The following TRRAP variants were observed in gnomAD, a reference collection of about 807,000 sequenced individuals.
The protein encoded by TRRAP is transformation/transcription domain associated protein.
A neutral mutation model predicts 438.8 loss-of-function variants in TRRAP; 41 were observed. That is an observed-to-expected ratio of 0.09 (90% CI 0.07 to 0.12). The LOEUF (loss-of-function observed/expected upper bound fraction) is 0.12, where lower values mean the gene tolerates loss of function less well. Ranked by LOEUF, TRRAP falls within the 10% of genes least tolerant of loss-of-function variation. The probability of loss-of-function intolerance (pLI) is 1.00; values close to 1 mark genes in which losing one functional copy is unlikely to be tolerated. For missense variants in TRRAP, 3,122 were observed against 5,055.1 expected, an observed-to-expected ratio of 0.62 and a Z score of 11.60; for synonymous variants, 1,994 against 1,962.9, an observed-to-expected ratio of 1.02 and a Z score of -0.42.
rs1469812548 is a variant in TRRAP at position 98,994,331 on chromosome 7, G to C, written c.10048-256G>C. Among the ~76,000 whole-genome samples, 3 of 152,190 alleles carry C rather than the reference G, an allele frequency of 2.0e-5. No homozygotes were observed. Among genetic ancestry groups the C allele is most frequent in the African/African-American group, 7.2e-5 (3 of 41,450 alleles). ...GCAGACGGGTGTATGATCCAAAAAA[G>C]TGGGGCTTTTCTGTTTTCGCTTTTT... On this transcript the variant is annotated intron_variant, in intron 66 of 72. Transcript: ENST00000456197. This position sits in a 1 kb window ranked among gnomAD's most constrained non-coding sequence, Gnocchi z 4.8.
chr7:98,915,696 C>G (rs1789492328), intron 18 of TRRAP, 27 bp from the exon 19 acceptor site: 1 of 1,608,836 alleles, frequency 6.2e-7, no homozygotes, highest in Non-Finnish European at 8.5e-7. Context: ...TTAGATGCCA[C>G]TAATCTGCGT....
intron 67 of TRRAP, among the ~76,000 whole-genome samples, chr7:99,001,944 C>T (rs1223785661): frequency 6.6e-6 from 1 of 152,098 alleles, no homozygotes; most frequent in African/African-American, 2.4e-5. Flanking sequence ...ATTAGAAACA[C>T]CTCAGCAATG....
intron 47 of TRRAP, among the ~76,000 whole-genome samples, chr7:98,963,010 A>G (rs1791984606): frequency 1.3e-5 from 2 of 152,164 alleles, no homozygotes; most frequent in South Asian, 2.1e-4. Context: ...CCTTTATTGC[A>G]TATTCATTGG....
chr7:98,972,035 T>C, intron 53 of TRRAP, 90 bp downstream of exon 53: 1 of 1,468,194 alleles, frequency 6.8e-7, no homozygotes, highest in Non-Finnish European at 9.1e-7. Flanking sequence ...AGTGTAACTT[T>C]TTCTGTTTCT....
At position 98,881,172 on chromosome 7, in the gene TRRAP, G is replaced by C; in HGVS notation, c.22G>C (p.Gly8Arg). 6.2e-7 allele frequency: 1 copy of C among 1,608,410 alleles called. No individual in the cohort carries two copies. The highest frequency in any genetic ancestry group is 8.5e-7 in the Non-Finnish European group (1 of 1,177,148). Reference sequence around the variant, plus strand: ...AAAAATGGCGTTTGTTGCAACACAGGGGGCCACGGTGGTTGACCAGACCAC... The same window carrying C: ...AAAAATGGCGTTTGTTGCAACACAGCGGGCCACGGTGGTTGACCAGACCAC... MAFVATQ[G>R]ATVVDQTTLM... The change falls in exon 2 of 73, where the codon GGG becomes CGG. Residue 8 changes from glycine (G) to arginine (R), a missense_variant. Coordinates refer to ENST00000456197, the MANE Select transcript of TRRAP (RefSeq NM_001375524.1).
intron 3 of TRRAP, among the ~76,000 whole-genome samples, chr7:98,886,148 T>C (rs1554403922): frequency 6.6e-6 from 1 of 152,160 alleles, no homozygotes; most frequent in African/African-American, 2.4e-5. Context: ...TAGCCGAGCA[T>C]GGTGGCACAT....
intron 3 of TRRAP, among the ~76,000 whole-genome samples, chr7:98,885,418 A>G (rs1340797257): frequency 6.6e-6 from 1 of 152,088 alleles, no homozygotes; most frequent in African/African-American, 2.4e-5. Flanking sequence ...TAATAGTCTT[A>G]AGAACAATAG....
At chr7:98,983,990 A>G (rs1181202080) in intron 60 of TRRAP, 103 bp from the exon 61 acceptor site, 1 of 1,397,466 alleles carries the variant, frequency 7.2e-7, no homozygotes, top group Non-Finnish European at 9.5e-7. Context: ...GCCCATTTTC[A>G]TAAGCCATGT....
chr7:98,989,705 A>C (rs1793305562), intron 63 of TRRAP, among the ~76,000 whole-genome samples: 1 of 152,212 alleles, frequency 6.6e-6, no homozygotes, highest in African/African-American at 2.4e-5. Context: ...TTACACCCAG[A>C]TGTAATTGTT....
intron 1 of TRRAP, among the ~76,000 whole-genome samples, chr7:98,880,271 T>G (rs1462923678): frequency 1.3e-5 from 2 of 149,322 alleles, no homozygotes; most frequent in African/African-American, 2.5e-5. Context: ...TGTTTTTTTT[T>G]TTTTTTTTCC....
At chr7:98,939,878 GTTTATT>G (rs1199706570) in intron 30 of TRRAP, among the ~76,000 whole-genome samples, 1 of 152,152 alleles carries the variant, frequency 6.6e-6, no homozygotes, top group East Asian at 1.9e-4. Flanking sequence ...TGGTTTGTTT[GTTTATT>G]TTTATTTTTA....
At chr7:98,965,582 A>T in intron 48 of TRRAP, 114 bp from the exon 49 acceptor site, 1 of 1,449,780 alleles carries the variant, frequency 6.9e-7, no homozygotes, top group East Asian at 2.3e-5. Flanking sequence ...GTTGCAGGAA[A>T]AAACATTGAG....
At chr7:98,988,691 T>C in intron 62 of TRRAP, 74 bp from the exon 63 acceptor site, 1 of 1,530,584 alleles carries the variant, frequency 6.5e-7, no homozygotes, top group South Asian at 1.2e-5. Flanking sequence ...CATTTTATAA[T>C]GGTTAATTTC....
chr7:98,948,507 C>G lies in TRRAP; in HGVS notation c.4669-59C>G. On this transcript the variant is annotated intron_variant, in intron 34 of 72. Coordinates refer to ENST00000456197, the MANE Select transcript of TRRAP (RefSeq NM_001375524.1). This position sits in a 1 kb window ranked among gnomAD's most constrained non-coding sequence, Gnocchi z 4.9. ...GTAACAAGGGACCTTGTTAGGTAGA[C>G]AGCCTCAAGCTCTGAGAAGAGGAAG... The G allele has an allele frequency of 6.8e-6, 11 of 1,613,676 alleles. No homozygotes were observed. The highest frequency in any genetic ancestry group is 9.3e-6 in the Non-Finnish European group (11 of 1,179,960).
intron 12 of TRRAP, among the ~76,000 whole-genome samples, chr7:98,904,007 A>C (rs889580700): frequency 6.6e-6 from 1 of 151,924 alleles, no homozygotes; most frequent in African/African-American, 2.4e-5. Context: ...ATGGGATTTC[A>C]CCATGTTGGC....
At chr7:98,980,615 G>T (rs2116749685) in intron 58 of TRRAP, among the ~76,000 whole-genome samples, 2 of 152,238 alleles carry the variant, frequency 1.3e-5, no homozygotes, top group East Asian at 3.9e-4. Flanking sequence ...GGAAATCTGG[G>T]GGACATTTTA....
At chr7:98,879,567 G>A (rs945760458) in intron 1 of TRRAP, among the ~76,000 whole-genome samples, 1 of 151,990 alleles carries the variant, frequency 6.6e-6, no homozygotes, top group Non-Finnish European at 1.5e-5. Context: ...CCCTCGGATG[G>A]GGATGGGCAG....
chr7:98,880,279 T>TTTTTC (rs1461000690), intron 1 of TRRAP, among the ~76,000 whole-genome samples: 23 of 144,692 alleles, frequency 1.6e-4, no homozygotes, highest in Admixed American at 5.4e-4. Flanking sequence ...TTTTTTTTTT[T>TTTTTC]CCGAGACTGA....
At chr7:98,935,467 C>T in intron 27 of TRRAP, 112 bp from the exon 28 acceptor site, 1 of 836,720 alleles carries the variant, frequency 1.2e-6, no homozygotes, top group Non-Finnish European at 1.8e-6. Flanking sequence ...CTTAGTTTGT[C>T]AGTTGTTAAT....
Sources: allele counts gnomAD v4.1 joint callset (sites outside exome capture counted in the v4.1 genomes callset), GRCh38; gene constraint gnomAD v4.1.1; non-coding constraint Gnocchi (gnomAD v3.1); transcripts MANE v1.5; gene names NCBI Gene and HGNC (gene_info 2026-07-23, HGNC 2026-07-21).